SH3BP4: variants seen among roughly 807,000 people sequenced by gnomAD.
SH3BP4 encodes SH3 domain binding protein 4, also known as SH3 domain-binding protein 4.
Under a neutral mutation model 65.5 loss-of-function variants are expected in SH3BP4, and 33 were observed. The ratio of observed to expected loss-of-function variants is 0.50; its 90% CI spans 0.38 to 0.67. SH3BP4 has a LOEUF of 0.67. SH3BP4 is among the 30% of genes least tolerant of loss of function. The probability of loss-of-function intolerance (pLI) is 0.00; values close to 1 mark genes in which losing one functional copy is unlikely to be tolerated. For synonymous variants in SH3BP4, 552 were observed against 545.5 expected (o/e 1.01, Z -0.17); for missense variants, 1,134 against 1,261.4 (o/e 0.90, Z 1.53).
intron 1 of SH3BP4, among the ~76,000 whole-genome samples, chr2:234,969,049 A>G (rs928465180): frequency 6.6e-6 from 1 of 152,094 alleles, no homozygotes; most frequent in Admixed American, 6.6e-5. Flanking sequence ...GTTCCAGGCG[A>G]CTTTGCTGTT....
chr2:235,040,643 AG>A (rs954115955), intron 3 of SH3BP4, among the ~76,000 whole-genome samples: 2 of 151,784 alleles, frequency 1.3e-5, no homozygotes, highest in African/African-American at 2.4e-5. Flanking sequence ...TGAGTGATGG[AG>A]AGGCTCCTCT....
At chr2:234,992,074 T>G (rs1693763541) in intron 1 of SH3BP4, among the ~76,000 whole-genome samples, 1 of 152,244 alleles carries the variant, frequency 6.6e-6, no homozygotes, top group Non-Finnish European at 1.5e-5. Context: ...CCAGAGGGCT[T>G]GCAGGGCCCT....
chr2:235,015,198 G>A (rs964189258), intron 2 of SH3BP4, among the ~76,000 whole-genome samples: 27 of 152,232 alleles, frequency 1.8e-4, no homozygotes, highest in African/African-American at 6.0e-4. Context: ...CCAATCTGGT[G>A]TAATTCTTTG....
intron 1 of SH3BP4, among the ~76,000 whole-genome samples, chr2:234,964,035 C>T (rs752105928): frequency 1.2e-4 from 18 of 152,178 alleles, no homozygotes; most frequent in Non-Finnish European, 2.4e-4. Context: ...TGGCCTGTCT[C>T]CTGTAGTTTT....
chr2:235,010,024 T>G (rs1694426597), intron 2 of SH3BP4, among the ~76,000 whole-genome samples: 1 of 151,930 alleles, frequency 6.6e-6, no homozygotes, highest in Non-Finnish European at 1.5e-5. Context: ...TGGAGGGTCT[T>G]TTTTCAGGGT....
Position 235,041,200 on chromosome 2 carries a change from G to T in SH3BP4, c.431G>T (p.Gly144Val). The T allele has an allele frequency of 6.2e-7, 1 of 1,614,114 alleles. No individual in the cohort carries two copies. Among genetic ancestry groups the T allele is most frequent in the Non-Finnish European group, 8.5e-7 (1 of 1,180,018 alleles). ...EVAKELELLG[G>V]WTDDKKVPGR... Reference sequence around the variant, plus strand: ...GCCAAGGAGCTGGAGCTGCTCGGGGGATGGACAGATGACAAAAAAGTACCA... The same window carrying T: ...GCCAAGGAGCTGGAGCTGCTCGGGGTATGGACAGATGACAAAAAAGTACCA... The change falls in exon 4 of 6, where the codon GGA becomes GTA. Residue 144 changes from glycine to valine, a missense_variant. Physicochemically the swap from Gly to Val is moderately radical, Grantham distance 109 (BLOSUM62 -3). Transcript: ENST00000392011. The surrounding 1 kb of genome is among the most constrained non-coding windows in gnomAD (Gnocchi z 6.0).
intron 3 of SH3BP4, among the ~76,000 whole-genome samples, chr2:235,040,166 C>T (rs1695586885): frequency 6.6e-6 from 1 of 152,180 alleles, no homozygotes; most frequent in African/African-American, 2.4e-5. Context: ...ATCTGAGCGG[C>T]TGAGGTTGCA....
At chr2:234,960,923 C>A (rs1301053147) in intron 1 of SH3BP4, among the ~76,000 whole-genome samples, 1 of 152,184 alleles carries the variant, frequency 6.6e-6, no homozygotes, top group Non-Finnish European at 1.5e-5. Context: ...TGTCAGGGAA[C>A]AATAGCTGGA....
chr2:235,009,407 GGA>G (rs1694402350), intron 2 of SH3BP4, among the ~76,000 whole-genome samples: 7 of 152,218 alleles, frequency 4.6e-5, no homozygotes, highest in Admixed American at 4.6e-4. Context: ...GGATCTTAAA[GGA>G]GAGTTTGGGA....
chr2:234,967,840 A>G lies in SH3BP4; in HGVS notation c.-207+15670A>G, dbSNP rs1326985364. On this transcript the variant is annotated intron_variant, in intron 1 of 5. Transcript: ENST00000392011. This position sits in a 1 kb window ranked among gnomAD's most constrained non-coding sequence, Gnocchi z 4.6. ...TGCCACCCTGAGTGGCGGATGCTGC[A>G]GAGACAACTCTTTATACCTGAGAAG... Among the ~76,000 whole-genome samples, 1 of 152,156 alleles carries G rather than the reference A, an allele frequency of 6.6e-6. No homozygotes were observed. The highest frequency in any genetic ancestry group is 2.4e-5 in the African/African-American group (1 of 41,438).
chr2:235,047,037 T>C (rs1272740301), intron 4 of SH3BP4, among the ~76,000 whole-genome samples: 1 of 152,130 alleles, frequency 6.6e-6, no homozygotes, highest in African/African-American at 2.4e-5. Context: ...ATGACAAGGT[T>C]TGTTCATTTG....
At chr2:234,986,848 A>G (rs1361989273) in intron 1 of SH3BP4, among the ~76,000 whole-genome samples, 1 of 150,806 alleles carries the variant, frequency 6.6e-6, no homozygotes, top group Non-Finnish European at 1.5e-5. Flanking sequence ...CTTGTTGTCC[A>G]GGCTGGAGTG....
Position 234,960,306 on chromosome 2 carries a change from G to A in SH3BP4, c.-207+8136G>A, listed in dbSNP as rs145280679. ...CCCAAATATCCCCTCTAGCAAGTTG[G>A]GTTTTTGTTTTTATCTTGTGGTTTG... On this transcript the variant is annotated intron_variant, in intron 1 of 5. Coordinates refer to ENST00000392011, the MANE Select transcript of SH3BP4 (RefSeq NM_014521.3). Among the ~76,000 whole-genome samples the A allele has an allele frequency of 3.2e-3, 494 of 152,316 alleles. 1 individual carries two copies. Among genetic ancestry groups the A allele is most frequent in the African/African-American group, 0.011 (473 of 41,566 alleles).
At chr2:235,038,945 A>G (rs1280197480) in intron 3 of SH3BP4, among the ~76,000 whole-genome samples, 2 of 152,174 alleles carry the variant, frequency 1.3e-5, no homozygotes, top group Non-Finnish European at 2.9e-5. Context: ...GGAGATGTCT[A>G]TTTCACATAA....
At chr2:235,027,776 C>T (rs753580764) in intron 2 of SH3BP4, among the ~76,000 whole-genome samples, 5 of 152,292 alleles carry the variant, frequency 3.3e-5, no homozygotes, top group Middle Eastern at 3.4e-3. Context: ...CGCAGGAGAA[C>T]GGAGGAGAAC....
chr2:235,053,040 C>T (rs1444974863), intron 5 of SH3BP4, among the ~76,000 whole-genome samples: 2 of 152,200 alleles, frequency 1.3e-5, no homozygotes, highest in East Asian at 1.9e-4. Flanking sequence ...AATTACCATC[C>T]GTAGGGTTGA....
At chr2:235,024,867 C>T (rs143924375) in intron 2 of SH3BP4, among the ~76,000 whole-genome samples, 2 of 151,960 alleles carry the variant, frequency 1.3e-5, no homozygotes, top group East Asian at 1.9e-4. Flanking sequence ...CTTCCAGTGC[C>T]GAAGCTTTGC....
chr2:235,045,402 T>C lies in SH3BP4; in HGVS notation c.2478+2155T>C, dbSNP rs1174111052. Among the ~76,000 whole-genome samples the C allele has an allele frequency of 6.6e-6, 1 of 152,200 alleles. No homozygotes were observed. The highest frequency in any genetic ancestry group is 6.5e-5 in the Admixed American group (1 of 15,282). Reference sequence around the variant, plus strand: ...ATCTTTTTCCAAAAGACATAAATGATCAAACTCTCTCAATTCGATTGGTGA... The same window carrying C: ...ATCTTTTTCCAAAAGACATAAATGACCAAACTCTCTCAATTCGATTGGTGA... On this transcript the variant is annotated intron_variant, in intron 4 of 5. Transcript: ENST00000392011. This position sits in a 1 kb window ranked among gnomAD's most constrained non-coding sequence, Gnocchi z 4.3.
intron 2 of SH3BP4, among the ~76,000 whole-genome samples, chr2:235,015,850 A>G (rs1005731696): frequency 2.0e-5 from 3 of 152,064 alleles, no homozygotes; most frequent in Non-Finnish European, 4.4e-5. Context: ...GTCCTCCTGC[A>G]TGGTATTGCC....
Sources: gnomAD v4.1 joint callset for allele counts (sites outside exome capture counted in the v4.1 genomes callset) on GRCh38, gnomAD v4.1.1 for gene constraint, Gnocchi (gnomAD v3.1) non-coding constraint, MANE v1.5 for transcripts, NCBI Gene and HGNC (gene_info 2026-07-23, HGNC 2026-07-21) for gene names.